COL24A1: variants seen among roughly 807,000 people sequenced by gnomAD.
The protein encoded by COL24A1 is collagen alpha-1(XXIV) chain.
COL24A1 carries 224 observed loss-of-function variants against 253.9 expected under a neutral mutation model. The observed-to-expected ratio is 0.88, with a 90% confidence interval of 0.79 to 0.99. COL24A1 has a LOEUF of 0.99. COL24A1 is among the 50% of genes least tolerant of loss of function. The pLI is 0.00. For synonymous variants in COL24A1, 685 were observed against 673.7 expected (o/e 1.02, Z -0.26); for missense variants, 2,131 against 2,068.5 (o/e 1.03, Z -0.59).
intron 20 of COL24A1, among the ~76,000 whole-genome samples, chr1:85,986,787 A>C (rs74097636): frequency 0.017 from 2,626 of 151,870 alleles, 78 homozygotes; most frequent in African/African-American, 0.061. Context: ...ATCTCCTATC[A>C]TTTCATCTCT....
chr1:85,761,391 C>G lies in COL24A1; in HGVS notation c.4437+5G>C. ...ACAAAACAAAATCAAACCAAGCAAA[C>G]TTACTCTTGGGCCTGGTGCTCCAGG... On this transcript the variant is annotated splice_donor_5th_base_variant and intron_variant, in intron 55 of 59. Coordinates refer to ENST00000370571, the MANE Select transcript of COL24A1 (RefSeq NM_152890.7). 1 of 1,613,922 alleles carries G rather than the reference C, an allele frequency of 6.2e-7. No homozygotes were observed. Among genetic ancestry groups the G allele is most frequent in the Admixed American group, 1.7e-5 (1 of 60,004 alleles).
intron 19 of COL24A1, among the ~76,000 whole-genome samples, chr1:85,997,346 G>A (rs1303055015): frequency 6.6e-6 from 1 of 151,920 alleles, no homozygotes; most frequent in Non-Finnish European, 1.5e-5. Flanking sequence ...TCTTCAATCT[G>A]CTAAAAATCT....
At chr1:86,073,245 T>C (rs1365483593) in intron 7 of COL24A1, among the ~76,000 whole-genome samples, 1 of 152,130 alleles carries the variant, frequency 6.6e-6, no homozygotes, top group Non-Finnish European at 1.5e-5. Context: ...TTAGAGGAAT[T>C]GCTAACTGGA....
At chr1:85,779,715 G>T (rs1435098156) in intron 52 of COL24A1, among the ~76,000 whole-genome samples, 1 of 152,058 alleles carries the variant, frequency 6.6e-6, no homozygotes, top group Non-Finnish European at 1.5e-5. Flanking sequence ...CAAATTCTGG[G>T]CTCTAGTCTG....
chr1:85,828,572 G>T (rs1674716842), intron 43 of COL24A1, among the ~76,000 whole-genome samples: 1 of 151,286 alleles, frequency 6.6e-6, no homozygotes, highest in South Asian at 2.1e-4. Flanking sequence ...CTCTTTGCAG[G>T]TCACTCAGGA....
At chr1:85,929,791 G>A (rs560371145) in intron 24 of COL24A1, among the ~76,000 whole-genome samples, 81 of 151,088 alleles carry the variant, frequency 5.4e-4, no homozygotes, top group African/African-American at 1.8e-3. Flanking sequence ...AGTCAAAGCC[G>A]CTCAACTACA....
chr1:85,765,363 T>G (rs1410010099), intron 53 of COL24A1, among the ~76,000 whole-genome samples: 2 of 151,946 alleles, frequency 1.3e-5, no homozygotes, highest in Non-Finnish European at 2.9e-5. Flanking sequence ...TTTTTTTTAT[T>G]ATTTCTATAG....
At chr1:86,063,579 G>A (rs1017170825) in intron 8 of COL24A1, 136 bp downstream of exon 8, 2 of 462,384 alleles carry the variant, frequency 4.3e-6, no homozygotes, top group Non-Finnish European at 7.8e-6. Context: ...CAATTAAAAG[G>A]TTGTCCTGCA....
intron 3 of COL24A1, among the ~76,000 whole-genome samples, chr1:86,124,194 T>C (rs983623109): frequency 1.4e-5 from 2 of 143,282 alleles, no homozygotes; most frequent in African/African-American, 5.2e-5. Flanking sequence ...CACAGTTTTG[T>C]TTACATGATA....
intron 57 of COL24A1, 61 bp from the exon 58 acceptor site, chr1:85,737,566 C>A (rs1664183983): frequency 1.1e-5 from 10 of 930,722 alleles, no homozygotes; most frequent in Non-Finnish European, 1.5e-5. Context: ...CTTATAATTT[C>A]TTTTTTTTTT....
chr1:86,104,297 G>T (rs948580253), intron 5 of COL24A1, among the ~76,000 whole-genome samples: 10 of 151,934 alleles, frequency 6.6e-5, no homozygotes, highest in Non-Finnish European at 1.2e-4. Context: ...GTGATTCTTA[G>T]CTTCCTTGGA....
intron 14 of COL24A1, among the ~76,000 whole-genome samples, chr1:86,027,703 GA>G (rs35949005): frequency 0.25 from 37,885 of 152,118 alleles, 5,263 homozygotes; most frequent in Admixed American, 0.38. Context: ...TGTAGGGTCA[GA>G]GGCCCCACAC....
intron 20 of COL24A1, among the ~76,000 whole-genome samples, chr1:85,982,528 C>T (rs1348858633): frequency 6.6e-6 from 1 of 150,780 alleles, no homozygotes; most frequent in African/African-American, 2.4e-5. Flanking sequence ...TACTTCTGCT[C>T]TCCATTCCAG....
rs748982158 is a variant in COL24A1 at position 85,761,403 on chromosome 1, C to T, written c.4430G>A (p.Gly1477Asp). ...PGPPGPPGAP[G>D]PRKQMDINAA... ...CAAACCAAGCAAACTTACTCTTGGGCCTGGTGCTCCAGGTGGACCCTAGAA... is the reference window on the plus strand; with the variant it reads ...CAAACCAAGCAAACTTACTCTTGGGTCTGGTGCTCCAGGTGGACCCTAGAA... The change falls in exon 55 of 60, where the codon GGC becomes GAC. Residue 1477 changes from glycine (G) to aspartate (D), a missense_variant. By Grantham distance (94) the Gly-to-Asp change is moderately conservative. Coordinates refer to ENST00000370571, the MANE Select transcript of COL24A1 (RefSeq NM_152890.7). 5.6e-6 allele frequency: 9 copies of T among 1,613,850 alleles called. No individual in the cohort carries two copies. Among genetic ancestry groups the T allele is most frequent in the Non-Finnish European group, 1.7e-6 (2 of 1,179,964 alleles).
intron 32 of COL24A1, among the ~76,000 whole-genome samples, chr1:85,878,366 T>C (rs1681433813): frequency 6.6e-6 from 1 of 152,188 alleles, no homozygotes. Context: ...ACAAAGACAC[T>C]ACTCCCAATC....
At position 85,950,207 on chromosome 1, in the gene COL24A1, T is replaced by A. The variant is rs192294345; in HGVS notation, c.2562+11042A>T. Among the ~76,000 whole-genome samples, 7 of 152,328 alleles carry A rather than the reference T, an allele frequency of 4.6e-5. No individual in the cohort carries two copies. The East Asian group carries it at 1.3e-3, about 29-fold the overall frequency. ...AACACATAAAAAGCAAGAATTTTTT[T>A]TAACTATTTATCTGTAACACCTAAC... On this transcript the variant is annotated intron_variant, in intron 24 of 59. Transcript: ENST00000370571.
chr1:86,105,848 C>G (rs986383540), intron 5 of COL24A1, among the ~76,000 whole-genome samples: 2 of 152,174 alleles, frequency 1.3e-5, no homozygotes, highest in African/African-American at 4.8e-5. Context: ...CACCTGTTCT[C>G]CAGGAGTCGC....
In COL24A1 at chr1:86,083,226, A is replaced by G. The variant is rs370227438; in HGVS notation, c.1707+5948T>C. Reference sequence around the variant, plus strand: ...GGCAGGAAAATGGCGTGAACTCAGAAGGCGGAGCTTGCAGTGAGCCGAGAT... The same window carrying G: ...GGCAGGAAAATGGCGTGAACTCAGAGGGCGGAGCTTGCAGTGAGCCGAGAT... On this transcript the variant is annotated intron_variant, in intron 7 of 59. Coordinates refer to ENST00000370571, the MANE Select transcript of COL24A1 (RefSeq NM_152890.7). 1.1e-4 allele frequency among the ~76,000 whole-genome samples: 17 copies of G among 152,074 alleles called. No individual in the cohort carries two copies. In the East Asian group the frequency reaches 3.1e-3, roughly 28 times the overall value.
At chr1:85,846,730 G>A (rs1677180384) in intron 39 of COL24A1, among the ~76,000 whole-genome samples, 1 of 151,904 alleles carries the variant, frequency 6.6e-6, no homozygotes, top group South Asian at 2.1e-4. Context: ...AAACCTCTTG[G>A]GAAGGTAGGT....
Sources: allele counts gnomAD v4.1 joint callset (sites outside exome capture counted in the v4.1 genomes callset), GRCh38; gene constraint gnomAD v4.1.1; transcripts MANE v1.5; gene names NCBI Gene and HGNC (gene_info 2026-07-23, HGNC 2026-07-21).